The following MIGA1 variants were observed in gnomAD, a reference collection of about 807,000 sequenced individuals.
The protein encoded by MIGA1 is mitoguardin 1.
A neutral mutation model predicts 82.0 loss-of-function variants in MIGA1; 58 were observed. That is an observed-to-expected ratio of 0.71 (90% CI 0.57 to 0.88). The LOEUF is 0.88. Ranked by LOEUF, MIGA1 falls within the 40% of genes least tolerant of loss-of-function variation. The pLI is 0.00. For missense variants in MIGA1, 751 were observed against 749.1 expected (o/e 1.00, Z -0.03); for synonymous variants, 249 against 253.6 (o/e 0.98, Z 0.17).
intron 7 of MIGA1, among the ~76,000 whole-genome samples, chr1:77,830,084 C>A (rs1037526968): frequency 6.6e-6 from 1 of 152,082 alleles, no homozygotes; most frequent in African/African-American, 2.4e-5. Flanking sequence ...CATGACTATT[C>A]TTAGCCCTTT....
chr1:77,813,262 A>C (rs1570949522), intron 5 of MIGA1, among the ~76,000 whole-genome samples: 2 of 152,202 alleles, frequency 1.3e-5, no homozygotes, highest in African/African-American at 4.8e-5. Context: ...GATTACAGTC[A>C]TGAGCCACCG....
chr1:77,840,631 G>T (rs929409798), intron 7 of MIGA1, among the ~76,000 whole-genome samples: 1 of 152,074 alleles, frequency 6.6e-6, no homozygotes, highest in Admixed American at 6.5e-5. Flanking sequence ...TGACCAACAT[G>T]CAGAAACCCC....
chr1:77,868,146 T>A (rs1685746181), intron 14 of MIGA1: 1 of 152,182 alleles, frequency 6.6e-6, no homozygotes, highest in South Asian at 2.1e-4. Context: ...ATTTAAAGAG[T>A]TTAGTAAGTG....
intron 8 of MIGA1, among the ~76,000 whole-genome samples, chr1:77,844,110 AAAAAT>A (rs1230415580): frequency 1.2e-4 from 6 of 50,478 alleles, no homozygotes; most frequent in South Asian, 8.3e-4. Context: ...TAAAAAAAAA[AAAAAT>A]ATATATATAT....
intron 2 of MIGA1, among the ~76,000 whole-genome samples, chr1:77,792,111 T>C (rs1031329252): frequency 6.6e-6 from 1 of 152,130 alleles, no homozygotes; most frequent in Non-Finnish European, 1.5e-5. Flanking sequence ...ATGCTAGCAG[T>C]TGGGATAGGC....
intron 7 of MIGA1, among the ~76,000 whole-genome samples, chr1:77,840,847 C>T (rs1557922067): frequency 6.6e-6 from 1 of 151,968 alleles, no homozygotes; most frequent in African/African-American, 2.4e-5. Flanking sequence ...AAAATTTAAT[C>T]CCACTCTGAT....
At chr1:77,858,084 C>T (rs1384454287) in intron 8 of MIGA1, among the ~76,000 whole-genome samples, 1 of 152,056 alleles carries the variant, frequency 6.6e-6, no homozygotes, top group African/African-American at 2.4e-5. Context: ...GACGCGGTGG[C>T]TGACGCCTGA....
At chr1:77,834,423 G>A (rs771195044) in intron 7 of MIGA1, among the ~76,000 whole-genome samples, 12 of 152,100 alleles carry the variant, frequency 7.9e-5, no homozygotes, top group Non-Finnish European at 1.5e-4. Context: ...TGGTCCTCCC[G>A]CCTCAGCCTC....
At chr1:77,814,137 C>G (rs1176781722) in intron 6 of MIGA1, among the ~76,000 whole-genome samples, 1 of 152,094 alleles carries the variant, frequency 6.6e-6, no homozygotes, top group Non-Finnish European at 1.5e-5. Flanking sequence ...AGCACTTTCA[C>G]TTTGGCCTCC....
intron 7 of MIGA1, among the ~76,000 whole-genome samples, chr1:77,815,625 G>A (rs1008539657): frequency 2.0e-5 from 3 of 152,124 alleles, no homozygotes; most frequent in Non-Finnish European, 2.9e-5. Context: ...CACTTTAATC[G>A]CAGGATAGCT....
At chr1:77,801,153 A>G (rs1198510169) in intron 2 of MIGA1, among the ~76,000 whole-genome samples, 178 bp from the exon 3 acceptor site, 1 of 152,220 alleles carries the variant, frequency 6.6e-6, no homozygotes, top group Non-Finnish European at 1.5e-5. Flanking sequence ...AAATTACAAC[A>G]TTTAAGATAT....
chr1:77,806,446 T>G (rs1683103265), intron 4 of MIGA1, among the ~76,000 whole-genome samples: 1 of 152,200 alleles, frequency 6.6e-6, no homozygotes. Flanking sequence ...GGGCTTAGAT[T>G]TCTCAAAACT....
chr1:77,806,956 C>T lies in MIGA1; in HGVS notation c.511-19C>T. The T allele has an allele frequency of 1.3e-6, 2 of 1,590,396 alleles. No individual in the cohort carries two copies. The highest frequency in any genetic ancestry group is 1.7e-4 in the Middle Eastern group (1 of 5,978). On this transcript the variant is annotated intron_variant, in intron 4 of 15. Transcript: ENST00000370791. Reference sequence around the variant, plus strand: ...TCATGAGAGAGATTTGAAGTAACTTCTATCCATCTTAATTTTAGGTCCAGA... The same window carrying T: ...TCATGAGAGAGATTTGAAGTAACTTTTATCCATCTTAATTTTAGGTCCAGA...
In MIGA1 at chr1:77,796,685, C is replaced by T. The variant is rs571598085; in HGVS notation, c.196-4646C>T. Among the ~76,000 whole-genome samples, 3 of 152,338 alleles carry T rather than the reference C, an allele frequency of 2.0e-5. No homozygotes were observed. The South Asian group carries it at 6.2e-4, about 32-fold the overall frequency. On this transcript the variant is annotated intron_variant, in intron 2 of 15. Transcript: ENST00000370791. ...TTACAATATCCAGGCAAAACACTGT[C>T]ACTTAGGTCAGCGCCTTTCTTCCTC...
At chr1:77,798,763 T>C (rs1682761330) in intron 2 of MIGA1, among the ~76,000 whole-genome samples, 1 of 152,208 alleles carries the variant, frequency 6.6e-6, no homozygotes, top group Non-Finnish European at 1.5e-5. Context: ...TAATCCAGTA[T>C]GGTCTCATCT....
At chr1:77,871,821 G>A (rs930170177) in intron 14 of MIGA1, among the ~76,000 whole-genome samples, 2 of 151,440 alleles carry the variant, frequency 1.3e-5, no homozygotes, top group Non-Finnish European at 2.9e-5. Flanking sequence ...CATTTTACTA[G>A]TTTTTTTTTG....
At chr1:77,799,287 GAGACATCTA>G (rs1035126731) in intron 2 of MIGA1, among the ~76,000 whole-genome samples, 1 of 152,108 alleles carries the variant, frequency 6.6e-6, no homozygotes, top group Non-Finnish European at 1.5e-5. Flanking sequence ...TAAATTACTT[GAGACATCTA>G]AGACTTTCTC....
At chr1:77,837,811 T>C (rs1441368627) in intron 7 of MIGA1, among the ~76,000 whole-genome samples, 1 of 152,140 alleles carries the variant, frequency 6.6e-6, no homozygotes, top group Admixed American at 6.5e-5. Context: ...AGGTTATGAG[T>C]GGTATATACT....
chr1:77,859,956 T>C (rs1016822465), intron 10 of MIGA1, 84 bp from the exon 11 acceptor site: 5 of 840,832 alleles, frequency 5.9e-6, no homozygotes, highest in African/African-American at 1.7e-5. Context: ...TTAACTGTTT[T>C]AGGATTATTT....
Sources: gnomAD v4.1 joint callset for allele counts (sites outside exome capture counted in the v4.1 genomes callset) on GRCh38, gnomAD v4.1.1 for gene constraint, MANE v1.5 for transcripts, NCBI Gene and HGNC (gene_info 2026-07-23, HGNC 2026-07-21) for gene names.